KIRREL3: variants seen among roughly 807,000 people sequenced by gnomAD.
The protein encoded by KIRREL3 is kirre like nephrin family adhesion molecule 3.
A neutral mutation model predicts 89.7 loss-of-function variants in KIRREL3; 36 were observed. That is an observed-to-expected ratio of 0.40 (90% confidence interval 0.31 to 0.53). The LOEUF (loss-of-function observed/expected upper bound fraction) is 0.53, where lower values mean the gene tolerates loss of function less well. Among genes scored for constraint, KIRREL3 ranks in the 20% least tolerant of loss-of-function variants. KIRREL3 has a pLI of 0.49. For missense variants in KIRREL3, 864 were observed against 1,056.6 expected (o/e 0.82, Z 2.53); for synonymous variants, 445 against 441.4 (o/e 1.01, Z -0.10).
intron 1 of KIRREL3, among the ~76,000 whole-genome samples, chr11:126,828,045 C>A (rs1018126355): frequency 6.6e-6 from 1 of 152,124 alleles, no homozygotes; most frequent in Admixed American, 6.5e-5. Flanking sequence ...TATGACTTAC[C>A]TCAAAGATTA....
chr11:126,519,492 G>C lies in KIRREL3; in HGVS notation c.433+1823C>G, dbSNP rs1447222531. On this transcript the variant is annotated intron_variant, in intron 4 of 16. Transcript: ENST00000525144. The surrounding 1 kb of genome is among the most constrained non-coding windows in gnomAD (Gnocchi z 4.3). ...ACTTTTTTACGTAACGTAGAGTTGA[G>C]AGGAAAGGAAGTGTAATGATCATGT... is the stretch of plus-strand genomic sequence containing the variant. 6.6e-6 allele frequency among the ~76,000 whole-genome samples: 1 copy of C among 152,228 alleles called. No individual in the cohort carries two copies. Among genetic ancestry groups the C allele is most frequent in the African/African-American group, 2.4e-5 (1 of 41,456 alleles).
At chr11:126,869,650 A>G (rs917818350) in intron 1 of KIRREL3, among the ~76,000 whole-genome samples, 4 of 152,138 alleles carry the variant, frequency 2.6e-5, no homozygotes, top group African/African-American at 9.7e-5. Context: ...AGCTGGCTGC[A>G]TCCGCCTCAG....
intron 1 of KIRREL3, among the ~76,000 whole-genome samples, chr11:126,899,077 G>A (rs113549589): frequency 1.1e-4 from 16 of 152,130 alleles, no homozygotes; most frequent in African/African-American, 3.9e-4. Context: ...GAAGGTGGAA[G>A]GCTGGTTAGA....
At chr11:126,762,073 T>C (rs1949681273) in intron 1 of KIRREL3, among the ~76,000 whole-genome samples, 1 of 152,052 alleles carries the variant, frequency 6.6e-6, no homozygotes, top group South Asian at 2.1e-4. Flanking sequence ...ACCAGTTGCA[T>C]GTTGAGGCAT....
At chr11:126,699,316 G>A (rs1291532346) in intron 1 of KIRREL3, among the ~76,000 whole-genome samples, 1 of 152,206 alleles carries the variant, frequency 6.6e-6, no homozygotes, top group Non-Finnish European at 1.5e-5. Flanking sequence ...AGTGGATGGG[G>A]AGAAGAGTTG....
chr11:126,429,274 C>G lies in KIRREL3; in HGVS notation c.1711G>C (p.Val571Leu). ...ARSQRNLKGV[V>L]SAKNDIRVEI... ...ACTCGGATATCATTTTTGGCTGACACAACACCTTTGAGATCTGGAGATAAA... is the reference window on the plus strand; with the variant it reads ...ACTCGGATATCATTTTTGGCTGACAGAACACCTTTGAGATCTGGAGATAAA... Residue 571 changes from valine to leucine, a missense_variant, in exon 15 of 17, where the codon GTG becomes CTG. Physicochemically the swap from Val to Leu is conservative, Grantham distance 32. Coordinates refer to ENST00000525144, the MANE Select transcript of KIRREL3 (RefSeq NM_032531.4). The surrounding 1 kb of genome is among the most constrained non-coding windows in gnomAD (Gnocchi z 5.2). 6.2e-7 allele frequency: 1 copy of G among 1,612,730 alleles called. No individual in the cohort carries two copies. Among genetic ancestry groups the G allele is most frequent in the Non-Finnish European group, 8.5e-7 (1 of 1,178,738 alleles).
intron 1 of KIRREL3, among the ~76,000 whole-genome samples, chr11:126,618,008 A>G (rs899003038): frequency 7.9e-5 from 12 of 152,186 alleles, no homozygotes; most frequent in Admixed American, 5.2e-4. Context: ...TGATTGGATA[A>G]TGTGGTTGGT....
In KIRREL3 at chr11:126,565,335, T is replaced by C. The variant is rs114935878; in HGVS notation, c.56-2423A>G. Among the ~76,000 whole-genome samples, 247 of 152,324 alleles carry C rather than the reference T, an allele frequency of 1.6e-3. No homozygotes were observed. The highest frequency in any genetic ancestry group is 5.6e-3 in the African/African-American group (231 of 41,574). ...AGGAGAGGCTGTGTGGACAAGTGGT[T>C]ATGATATAATAACTAAGAGTCTCAC... On this transcript the variant is annotated intron_variant, in intron 1 of 16. Coordinates refer to ENST00000525144, the MANE Select transcript of KIRREL3 (RefSeq NM_032531.4). The surrounding 1 kb of genome is among the most constrained non-coding windows in gnomAD (Gnocchi z 5.4).
chr11:126,841,075 T>C (rs758238784), intron 1 of KIRREL3, among the ~76,000 whole-genome samples: 6 of 152,234 alleles, frequency 3.9e-5, no homozygotes, highest in Non-Finnish European at 5.9e-5. Flanking sequence ...CATTTATAAA[T>C]TAAGTTTTAT....
At chr11:126,460,362 T>C (rs1019547737) in intron 6 of KIRREL3, among the ~76,000 whole-genome samples, 3 of 152,168 alleles carry the variant, frequency 2.0e-5, no homozygotes, top group African/African-American at 7.2e-5. Context: ...AGGAAGGATT[T>C]CATTTAATCC....
intron 1 of KIRREL3, among the ~76,000 whole-genome samples, chr11:126,845,742 T>C (rs1349851296): frequency 6.6e-6 from 1 of 152,198 alleles, no homozygotes; most frequent in Non-Finnish European, 1.5e-5. Context: ...CTTCTATGAA[T>C]TACCTTAAAT....
intron 1 of KIRREL3, among the ~76,000 whole-genome samples, chr11:126,875,759 C>T (rs1342269632): frequency 6.6e-6 from 1 of 152,166 alleles, no homozygotes; most frequent in African/African-American, 2.4e-5. Context: ...TCTCATTATG[C>T]CCAATGCATT....
rs77284021 is a variant in KIRREL3, at chr11:126,423,668, C to T, written c.*912G>A. ...AGACCTGCCCTCCAGCCCCTTCAAA[C>T]GCCACACTTCCCAGGAAGCACTCTC... On this transcript the variant is annotated 3_prime_UTR_variant, in exon 17 of 17. Transcript: ENST00000525144. 0.09 allele frequency: 13,763 copies of T among 152,214 alleles called. 771 individuals are homozygous for T. Among genetic ancestry groups the T allele is most frequent in the African/African-American group, 0.16 (6,472 of 41,516 alleles). 9.4% of individuals were successfully genotyped at this position (152,214 alleles called of 1,614,324 possible). A position where few individuals can be genotyped will look rare whatever the true frequency, so the allele number is the denominator to read the frequency against.
chr11:126,541,161 GC>G lies in KIRREL3; in HGVS notation c.134-14475del, dbSNP rs1335481904. On this transcript the variant is annotated intron_variant, in intron 2 of 16. Coordinates refer to ENST00000525144, the MANE Select transcript of KIRREL3 (RefSeq NM_032531.4). This position sits in a 1 kb window ranked among gnomAD's most constrained non-coding sequence, Gnocchi z 4.8. ...GTCATGGATTGGCTGACTCCAAGAT[GC>G]CCAGCACCTCTTGCTCCCATGTCTA... Among the ~76,000 whole-genome samples the G allele has an allele frequency of 6.6e-6, 1 of 152,178 alleles. No individual in the cohort carries two copies. Among genetic ancestry groups the G allele is most frequent in the Non-Finnish European group, 1.5e-5 (1 of 68,042 alleles).
intron 1 of KIRREL3, among the ~76,000 whole-genome samples, chr11:126,646,543 C>T (rs1028995756): frequency 4.1e-5 from 6 of 146,346 alleles, no homozygotes; most frequent in South Asian, 2.2e-4. Flanking sequence ...GGCATGACCT[C>T]GGCTCACTGC....
chr11:126,561,851 G>A lies in KIRREL3; in HGVS notation c.133+984C>T, dbSNP rs191543341. Reference sequence around the variant, plus strand: ...GGGAGCGCATGGGGATGTGGTTGTCGTGGTCGGGGTTGGGAGGAGAGACAG... The same window carrying A: ...GGGAGCGCATGGGGATGTGGTTGTCATGGTCGGGGTTGGGAGGAGAGACAG... On this transcript the variant is annotated intron_variant, in intron 2 of 16. Coordinates refer to ENST00000525144, the MANE Select transcript of KIRREL3 (RefSeq NM_032531.4). The surrounding 1 kb of genome is among the most constrained non-coding windows in gnomAD (Gnocchi z 4.5). Among the ~76,000 whole-genome samples, 1,303 of 152,288 alleles carry A rather than the reference G, an allele frequency of 8.6e-3. 6 individuals carry two copies. The highest frequency in any genetic ancestry group is 0.015 in the Non-Finnish European group (1,004 of 68,012).
intron 9 of KIRREL3, among the ~76,000 whole-genome samples, chr11:126,445,319 C>A (rs1955746964): frequency 6.6e-6 from 1 of 152,202 alleles, no homozygotes. Flanking sequence ...AGAGAGGCCA[C>A]CCCGTGTGAC....
In KIRREL3 at chr11:126,796,672, AT is replaced by A. The variant is rs1161558418; in HGVS notation, c.55+203782del. Among the ~76,000 whole-genome samples the A allele has an allele frequency of 1.3e-5, 2 of 151,758 alleles. No homozygotes were observed. The highest frequency in any genetic ancestry group is 1.9e-4 in the East Asian group (1 of 5,154). Reference sequence around the variant, plus strand: ...TATTTATTTTTATTCTTTTATTTTTATTTTTATTTTATTTTATTTTTGCAAC... The same window carrying A: ...TATTTATTTTTATTCTTTTATTTTTATTTTATTTTATTTTATTTTTGCAAC... On this transcript the variant is annotated intron_variant, in intron 1 of 16. Transcript: ENST00000525144. The surrounding 1 kb of genome is among the most constrained non-coding windows in gnomAD (Gnocchi z 5.1).
At chr11:126,800,552 T>C (rs1254406070) in intron 1 of KIRREL3, among the ~76,000 whole-genome samples, 1 of 152,174 alleles carries the variant, frequency 6.6e-6, no homozygotes, top group Non-Finnish European at 1.5e-5. Context: ...TTATACCTCT[T>C]GTATGTACCA....
Sources: allele counts gnomAD v4.1 joint callset (sites outside exome capture counted in the v4.1 genomes callset), GRCh38; gene constraint gnomAD v4.1.1; non-coding constraint Gnocchi (gnomAD v3.1); transcripts MANE v1.5; gene names NCBI Gene and HGNC (gene_info 2026-07-23, HGNC 2026-07-21).